Variants in LETMD1 observed in about 807,000 individuals in gnomAD.
LETMD1 encodes LETM1 domain containing 1, also known as LETM1 domain-containing protein 1.
A neutral mutation model predicts 43.9 loss-of-function variants in LETMD1; 30 were observed. The observed-to-expected ratio is 0.68, with a 90% CI of 0.51 to 0.93. The LOEUF (loss-of-function observed/expected upper bound fraction) is 0.93. Ranked by LOEUF, LETMD1 falls within the 40% of genes least tolerant of loss-of-function variation. The probability of loss-of-function intolerance (pLI) is 0.00; values close to 1 mark genes in which losing one functional copy is unlikely to be tolerated. For missense variants in LETMD1, 413 were observed against 447.7 expected (o/e 0.92, Z 0.70); for synonymous variants, 176 against 163.1 (o/e 1.08, Z -0.60).
At chr12:51,064,907 C>A (rs1592740195), downstream of LETMD1, among the ~76,000 whole-genome samples, 1 of 152,186 alleles carries the variant, frequency 6.6e-6, no homozygotes, top group African/African-American at 2.4e-5. Context: ...TCAAGAGAAT[C>A]ATTTATCTCT....
downstream of LETMD1, chr12:51,061,494 C>A (rs1948828352): frequency 6.6e-6 from 1 of 152,648 alleles, no homozygotes; most frequent in African/African-American, 2.4e-5. Flanking sequence ...TTCTGTCCAA[C>A]TCAGGTAGCA....
intron 3 of LETMD1, among the ~76,000 whole-genome samples, chr12:51,052,618 T>C (rs1293048661): frequency 1.3e-5 from 2 of 151,874 alleles, no homozygotes; most frequent in Middle Eastern, 3.2e-3. Context: ...CCATCTCTAC[T>C]GAAAATACAA....
At chr12:51,062,388 A>G (rs1346928491), downstream of LETMD1, 3 of 152,236 alleles carry the variant, frequency 2.0e-5, no homozygotes, top group African/African-American at 7.2e-5. Flanking sequence ...GAACAGAGAC[A>G]AAGATCACTT....
At position 51,048,467 on chromosome 12, in the gene LETMD1, G is replaced by A. The variant is rs748217048; in HGVS notation, c.111G>A (p.Trp37Ter). Residue 37 changes from tryptophan to a stop codon, truncating the protein, a stop_gained, in exon 1 of 9, where the codon TGG becomes TGA. Transcript: ENST00000262055. LOFTEE classifies it high-confidence loss of function. ...AACTTGGTCGCTCTGGCCTGGCTTG[G>A]GGGGCCCCTCGGTGAGGGACCTGTA... ...RLQLGRSGLA[W>*]GAPRSSKLHL... The A allele has an allele frequency of 3.1e-6, 5 of 1,613,558 alleles. No individual in the cohort carries two copies. The highest frequency in any genetic ancestry group is 1.6e-4 in the Middle Eastern group (1 of 6,074).
downstream of LETMD1, chr12:51,064,588 G>A (rs1352910878): frequency 1.3e-6 from 2 of 1,598,466 alleles, no homozygotes; most frequent in South Asian, 1.1e-5. Flanking sequence ...GTCCGGACCC[G>A]GATTGGATTA....
chr12:51,049,259 C>A, intron 2 of LETMD1, 74 bp downstream of exon 2: 2 of 1,346,534 alleles, frequency 1.5e-6, no homozygotes, highest in South Asian at 1.4e-5. Flanking sequence ...TAAATAAGAT[C>A]ATTTGCAGGT....
At chr12:51,068,575 C>G in the LETMD1 span, among the ~76,000 whole-genome samples, 1 of 152,246 alleles carries the variant, frequency 6.6e-6, no homozygotes, top group Admixed American at 6.5e-5. Flanking sequence ...CCAAGCTTCT[C>G]AAAAACCCGT....
chr12:51,050,740 G>A (rs1191185270), intron 2 of LETMD1, among the ~76,000 whole-genome samples: 3 of 151,680 alleles, frequency 2.0e-5, no homozygotes, highest in Admixed American at 6.6e-5. Flanking sequence ...GAAGCCGGGC[G>A]CGGTGGCTCA....
downstream of LETMD1, chr12:51,063,594 T>C (rs1937788577): frequency 1.6e-6 from 1 of 611,548 alleles, no homozygotes; most frequent in African/African-American, 1.8e-5. Flanking sequence ...TTTTAAAAAA[T>C]ACTCAAACAA....
chr12:51,049,696 C>T (rs892226167), intron 2 of LETMD1, among the ~76,000 whole-genome samples: 2 of 152,218 alleles, frequency 1.3e-5, no homozygotes, highest in Non-Finnish European at 2.9e-5. Context: ...AGTGTCTACT[C>T]TGGAGCCAGA....
In LETMD1 at chr12:51,055,913, T is replaced by C. The variant is rs1345672378; in HGVS notation, c.552T>C (p.His184=). 6.2e-7 allele frequency: 1 copy of C among 1,614,032 alleles called. No individual in the cohort carries two copies. Among genetic ancestry groups the C allele is most frequent in the Admixed American group, 1.7e-5 (1 of 60,018 alleles). The change falls in exon 5 of 9, where the codon CAT becomes CAC. Residue 184 remains histidine, a synonymous_variant. Transcript: ENST00000262055. ...AAACTGATTTCTTAGATATCTATCATGCTTTCCGGAAGCAGTCCCACCCAG... is the reference window on the plus strand; with the variant it reads ...AAACTGATTTCTTAGATATCTATCACGCTTTCCGGAAGCAGTCCCACCCAG... ...KQQTDFLDIY[H]AFRKQSHPEI...
the LETMD1 span, chr12:51,067,545 T>C: frequency 1.2e-6 from 1 of 848,730 alleles, no homozygotes; most frequent in Non-Finnish European, 1.8e-6. The surrounding 1 kb of genome is among the most constrained non-coding windows in gnomAD (Gnocchi z 4.1). Context: ...AGGAGGGTTG[T>C]GGAACTGGAG....
chr12:51,068,125 G>A, the LETMD1 span, among the ~76,000 whole-genome samples: 1 of 152,170 alleles, frequency 6.6e-6, no homozygotes, highest in Non-Finnish European at 1.5e-5. Flanking sequence ...TGTGGCTACT[G>A]AGCACTAGAA....
At chr12:51,055,421 T>G (rs575215030) in intron 4 of LETMD1, among the ~76,000 whole-genome samples, 10 of 151,934 alleles carry the variant, frequency 6.6e-5, no homozygotes, top group African/African-American at 2.2e-4. Context: ...TCCCAGCACT[T>G]GGGGAGACTG....
chr12:51,066,531 C>T, the LETMD1 span, among the ~76,000 whole-genome samples: 1 of 150,570 alleles, frequency 6.6e-6, no homozygotes, highest in African/African-American at 2.4e-5. Context: ...ATCCCAGCTA[C>T]TTGGGAGGCT....
At chr12:51,057,231 G>A (rs1333708606) in intron 7 of LETMD1, among the ~76,000 whole-genome samples, 1 of 151,630 alleles carries the variant, frequency 6.6e-6, no homozygotes, top group Non-Finnish European at 1.5e-5. Context: ...GTGAGACTCT[G>A]TCTCAAAAAA....
At chr12:51,052,019 A>T in intron 2 of LETMD1, 73 bp from the exon 3 acceptor site, 1 of 1,369,188 alleles carries the variant, frequency 7.3e-7, no homozygotes, top group South Asian at 1.4e-5. Flanking sequence ...GTGATTGAAC[A>T]TGGAGTAGGA....
intron 3 of LETMD1, among the ~76,000 whole-genome samples, chr12:51,053,269 T>C (rs1030662144): frequency 2.0e-5 from 3 of 152,212 alleles, no homozygotes; most frequent in Admixed American, 6.5e-5. Flanking sequence ...TCAGGCTCTG[T>C]ACTAGACATT....
At chr12:51,066,401 C>A in the LETMD1 span, among the ~76,000 whole-genome samples, 3 of 148,634 alleles carry the variant, frequency 2.0e-5, no homozygotes, top group Non-Finnish European at 4.4e-5. Context: ...TGCAGCGAGC[C>A]GAGATCACGC....
Sources: allele counts gnomAD v4.1 joint callset (sites outside exome capture counted in the v4.1 genomes callset), GRCh38; gene constraint gnomAD v4.1.1; non-coding constraint Gnocchi (gnomAD v3.1); transcripts MANE v1.5; gene names NCBI Gene and HGNC (gene_info 2026-07-23, HGNC 2026-07-21).